Variants in SV2C observed in about 807,000 individuals in gnomAD.
SV2C encodes the protein solute carrier family 22 member B3.
SV2C carries 49 observed loss-of-function variants against 79.7 expected under a neutral mutation model. The observed-to-expected ratio is 0.61, with a 90% CI of 0.49 to 0.78. The LOEUF (loss-of-function observed/expected upper bound fraction) is 0.78, where lower values mean the gene tolerates loss of function less well. SV2C is among the 30% of genes least tolerant of loss of function. The pLI, the probability that SV2C is intolerant of heterozygous loss-of-function variation, is 0.00. For synonymous variants in SV2C, 334 were observed against 333.2 expected (o/e 1.00, Z -0.03); for missense variants, 833 against 912.9 (o/e 0.91, Z 1.13).
the SV2C span, among the ~76,000 whole-genome samples, chr5:75,978,299 C>T: frequency 6.6e-5 from 10 of 152,264 alleles, no homozygotes; most frequent in East Asian, 1.9e-4. Context: ...AGCTCTTCTT[C>T]GCTGGATATT....
chr5:75,992,614 G>A, the SV2C span, among the ~76,000 whole-genome samples: 1 of 151,986 alleles, frequency 6.6e-6, no homozygotes, highest in South Asian at 2.1e-4. Context: ...TTGCACATCT[G>A]TCATTCACAG....
At chr5:76,291,879 G>C (rs751110901) in intron 8 of SV2C, 23 bp downstream of exon 8, 2 of 1,561,512 alleles carry the variant, frequency 1.3e-6, no homozygotes, top group East Asian at 2.3e-5. Flanking sequence ...TAAATTCTTG[G>C]CAAGCAAAAT....
intron 2 of SV2C, chr5:76,173,879 C>T (rs555515324): frequency 5.0e-6 from 8 of 1,596,582 alleles, no homozygotes; most frequent in African/African-American, 4.0e-5. Context: ...GTCTTTAACT[C>T]GAAGAATCTG....
chr5:76,108,826 T>C (rs1352745521), intron 1 of SV2C, among the ~76,000 whole-genome samples: 1 of 152,196 alleles, frequency 6.6e-6, no homozygotes, highest in Non-Finnish European at 1.5e-5. Context: ...GAAAAAAATA[T>C]AATTTGGTTG....
At chr5:76,263,802 G>T (rs541175860) in intron 4 of SV2C, among the ~76,000 whole-genome samples, 3 of 151,810 alleles carry the variant, frequency 2.0e-5, no homozygotes, top group Non-Finnish European at 2.9e-5. Flanking sequence ...CTCTCTTCCG[G>T]TGAGTAGGGT....
intron 4 of SV2C, among the ~76,000 whole-genome samples, chr5:76,258,173 G>A (rs1032109325): frequency 1.3e-4 from 19 of 151,732 alleles, no homozygotes; most frequent in African/African-American, 4.6e-4. Context: ...GTTTGTTGGA[G>A]GTGAAGTACT....
the SV2C span, among the ~76,000 whole-genome samples, chr5:76,064,055 C>T: frequency 6.6e-6 from 1 of 152,110 alleles, no homozygotes. Flanking sequence ...AGGAAAAGAA[C>T]AGCATAGCAT....
the SV2C span, among the ~76,000 whole-genome samples, chr5:75,994,534 A>G: frequency 1.3e-5 from 2 of 152,116 alleles, no homozygotes; most frequent in African/African-American, 4.8e-5. Context: ...AAGTGAGGGC[A>G]TTGAAGGAGA....
chr5:76,298,873 G>C lies in SV2C; in HGVS notation c.1582G>C (p.Val528Leu), dbSNP rs1747875446. 1.2e-6 allele frequency: 2 copies of C among 1,613,992 alleles called. No individual in the cohort carries two copies. The highest frequency in any genetic ancestry group is 4.5e-5 in the East Asian group (2 of 44,872). Residue 528 changes from valine to leucine, a missense_variant, in exon 10 of 13, where the codon GTG becomes CTG. Physicochemically the swap from Val to Leu is conservative, Grantham distance 32. Transcript: ENST00000502798. ...KSCTFEDVTS[V>L]NTYFKNCTFI... Reference sequence around the variant, plus strand: ...CTGCACCTTTGAGGATGTAACTTCAGTGAACACCTACTTCAAGAACTGCAC... The same window carrying C: ...CTGCACCTTTGAGGATGTAACTTCACTGAACACCTACTTCAAGAACTGCAC...
At chr5:76,283,292 G>C (rs1747251759) in intron 4 of SV2C, among the ~76,000 whole-genome samples, 1 of 151,398 alleles carries the variant, frequency 6.6e-6, no homozygotes, top group African/African-American at 2.4e-5. Context: ...ACTCCAGCCT[G>C]GCGACAGAGC....
In SV2C at chr5:76,131,970, G is replaced by T; in HGVS notation, c.220G>T (p.Gly74Cys). Residue 74 changes from glycine to cysteine, a missense_variant, in exon 2 of 13, where the codon GGC becomes TGC. By Grantham distance (159) the Gly-to-Cys change is radical. Transcript: ENST00000502798. ...TYNGEANDDE[G>C]SSEATEGHDE... ...TAATGGTGAGGCCAACGATGACGAAGGCTCAAGTGAAGCCACTGAGGGGCA... is the reference window on the plus strand; with the variant it reads ...TAATGGTGAGGCCAACGATGACGAATGCTCAAGTGAAGCCACTGAGGGGCA... 6.2e-7 allele frequency: 1 copy of T among 1,613,960 alleles called. No individual in the cohort carries two copies.
the SV2C span, among the ~76,000 whole-genome samples, chr5:76,000,357 C>A: frequency 6.6e-6 from 1 of 152,154 alleles, no homozygotes; most frequent in Non-Finnish European, 1.5e-5. Flanking sequence ...CACCACACAC[C>A]TGTTATTCCT....
At chr5:75,954,161 C>T in the SV2C span, among the ~76,000 whole-genome samples, 4 of 152,026 alleles carry the variant, frequency 2.6e-5, no homozygotes, top group East Asian at 3.9e-4. Context: ...TCAAAGGGGA[C>T]GCACTGCCTT....
At chr5:76,060,395 C>T in the SV2C span, among the ~76,000 whole-genome samples, 2 of 152,132 alleles carry the variant, frequency 1.3e-5, no homozygotes, top group African/African-American at 4.8e-5. Context: ...GCTAGATCTT[C>T]TGGATAACTT....
intron 4 of SV2C, among the ~76,000 whole-genome samples, chr5:76,247,676 AATCT>A (rs1220515590): frequency 1.3e-5 from 2 of 152,182 alleles, no homozygotes; most frequent in Non-Finnish European, 2.9e-5. Flanking sequence ...TAATTCTAAC[AATCT>A]ATTGGGAAGA....
At chr5:75,914,336 C>T in the SV2C span, among the ~76,000 whole-genome samples, 1 of 151,974 alleles carries the variant, frequency 6.6e-6, no homozygotes, top group Non-Finnish European at 1.5e-5. Context: ...TTTTTCATAC[C>T]CATATTTTGT....
upstream of SV2C, chr5:76,081,881 C>T (rs1747002508): frequency 6.6e-6 from 1 of 152,442 alleles, no homozygotes; most frequent in Non-Finnish European, 1.5e-5. Context: ...CCACCGGCTC[C>T]TCTGGGCAGG....
chr5:76,164,989 A>G (rs1743004496), intron 2 of SV2C, among the ~76,000 whole-genome samples: 1 of 148,922 alleles, frequency 6.7e-6, no homozygotes, highest in South Asian at 2.2e-4. Context: ...TGTTTGGGGA[A>G]TCATGACAAG....
At chr5:76,174,347 C>T (rs1384192507) in intron 2 of SV2C, among the ~76,000 whole-genome samples, 2 of 152,244 alleles carry the variant, frequency 1.3e-5, no homozygotes, top group East Asian at 1.9e-4. Context: ...TGAATCTGGG[C>T]GAGGTTTTCT....
Sources: gnomAD v4.1 joint callset for allele counts (sites outside exome capture counted in the v4.1 genomes callset) on GRCh38, gnomAD v4.1.1 for gene constraint, MANE v1.5 for transcripts, NCBI Gene and HGNC (gene_info 2026-07-23, HGNC 2026-07-21) for gene names.